Variants in SEMA6D observed in about 807,000 individuals in gnomAD.
SEMA6D encodes the protein semaphorin 6D.
A neutral mutation model predicts 106.6 loss-of-function variants in SEMA6D; 35 were observed. The observed-to-expected ratio is 0.33, with a 90% CI of 0.25 to 0.44. The LOEUF (loss-of-function observed/expected upper bound fraction) is 0.44, where lower values mean the gene tolerates loss of function less well. Among genes scored for constraint, SEMA6D ranks in the 20% least tolerant of loss-of-function variants. The pLI, the probability that SEMA6D is intolerant of heterozygous loss-of-function variation, is 1.00. For missense variants in SEMA6D, 1,185 were observed against 1,345.9 expected (o/e 0.88, Z 1.87); for synonymous variants, 499 against 487.7 (o/e 1.02, Z -0.31).
rs568815398 is a variant in SEMA6D at position 47,759,899 on chromosome 15, A to G, written c.101A>G (p.Asp34Gly). The stretch of plus-strand genomic sequence containing the variant: ...GATGATGAACCCCTTAATACTGTCG[A>G]CTATCACTGTAAGTCGTCTCAAGAA... ...PEDDEPLNTV[D>G]YHYSRQYPVF... is the part of the protein sequence containing the mutation. The change falls in exon 2 of 19, where the codon GAC becomes GGC. Residue 34 changes from aspartate to glycine, a missense_variant. Coordinates refer to ENST00000536845, the MANE Select transcript of SEMA6D (RefSeq NM_001358351.3). 6.2e-7 allele frequency: 1 copy of G among 1,609,094 alleles called. No individual in the cohort carries two copies. The highest frequency in any genetic ancestry group is 1.3e-5 in the African/African-American group (1 of 74,888).
At position 47,649,936 on chromosome 15, in the gene SEMA6D, G is replaced by A. The variant is rs149605433; in HGVS notation, c.-55+49040G>A. Among the ~76,000 whole-genome samples, 993 of 152,264 alleles carry A rather than the reference G, an allele frequency of 6.5e-3. 10 individuals are homozygous for A. The highest frequency in any genetic ancestry group is 0.023 in the African/African-American group (963 of 41,546). ...TGAAGAAGTATGGGTTACACTGAAA[G>A]TATTTCTTGTGAACATAGCTGCTTA... On this transcript the variant is annotated intron_variant, in intron 4 of 19. Coordinates refer to the SEMA6D transcript ENST00000558014.
intron 2 of SEMA6D, among the ~76,000 whole-genome samples, chr15:47,436,771 AT>A (rs1274516098): frequency 0.22 from 15,069 of 69,552 alleles, 904 homozygotes; most frequent in African/African-American, 0.3. Context: ...AAAAAAAAAT[AT>A]ATATATATAT....
intron 1 of SEMA6D, among the ~76,000 whole-genome samples, chr15:47,321,641 G>A (rs944161703): frequency 6.6e-6 from 1 of 152,070 alleles, no homozygotes; most frequent in Non-Finnish European, 1.5e-5. Flanking sequence ...TCTTTATGAG[G>A]AAAAACTTAT....
chr15:47,357,347 AAAAT>A (rs1001275749), intron 1 of SEMA6D, among the ~76,000 whole-genome samples: 1 of 151,814 alleles, frequency 6.6e-6, no homozygotes, highest in Non-Finnish European at 1.5e-5. Context: ...ATAAATAAAT[AAAAT>A]AAATAAATAA....
chr15:47,555,359 T>G (rs1438652746), intron 3 of SEMA6D, among the ~76,000 whole-genome samples: 1 of 152,152 alleles, frequency 6.6e-6, no homozygotes. Flanking sequence ...TAAAGAGAAC[T>G]CATTCATGCC....
rs145230962 is a variant in SEMA6D at position 47,546,417 on chromosome 15, T to C, written c.-86-54448T>C. Among the ~76,000 whole-genome samples, 23 of 152,278 alleles carry C rather than the reference T, an allele frequency of 1.5e-4. No individual in the cohort carries two copies. The East Asian group carries it at 4.4e-3, about 29-fold the overall frequency. Reference sequence around the variant, plus strand: ...AATTGAGTTTCTTTTCACTGCTTTATCTTGTCTGTCTAATTAATAAAATCT... The same window carrying C: ...AATTGAGTTTCTTTTCACTGCTTTACCTTGTCTGTCTAATTAATAAAATCT... On this transcript the variant is annotated intron_variant, in intron 3 of 19. Coordinates refer to the SEMA6D transcript ENST00000558014.
At chr15:47,682,022 T>C (rs561046287) in intron 4 of SEMA6D, among the ~76,000 whole-genome samples, 5 of 152,316 alleles carry the variant, frequency 3.3e-5, no homozygotes, top group African/African-American at 1.2e-4. Context: ...TTTAGCTCCA[T>C]AACATTAATC....
At chr15:47,499,128 G>A (rs554976143) in intron 3 of SEMA6D, among the ~76,000 whole-genome samples, 1 of 152,124 alleles carries the variant, frequency 6.6e-6, no homozygotes, top group South Asian at 2.1e-4. Flanking sequence ...TTATATATTG[G>A]TACTTTCAGA....
At chr15:47,640,598 A>T (rs1596507002) in intron 4 of SEMA6D, among the ~76,000 whole-genome samples, 1 of 152,154 alleles carries the variant, frequency 6.6e-6, no homozygotes, top group East Asian at 1.9e-4. Context: ...GGTGCTTATT[A>T]ATTGATAAGA....
At chr15:47,222,520 G>A (rs1231170699) in intron 1 of SEMA6D, among the ~76,000 whole-genome samples, 1 of 152,080 alleles carries the variant, frequency 6.6e-6, no homozygotes, top group Non-Finnish European at 1.5e-5. Flanking sequence ...TTATTCCCAT[G>A]GTGAGAAAAG....
At chr15:47,352,584 A>G (rs564131335) in intron 1 of SEMA6D, among the ~76,000 whole-genome samples, 1 of 152,330 alleles carries the variant, frequency 6.6e-6, no homozygotes, top group East Asian at 1.9e-4. Flanking sequence ...AGAACTTTCT[A>G]TTCTGGATCA....
chr15:47,498,598 C>T (rs2043746778), intron 3 of SEMA6D, among the ~76,000 whole-genome samples: 1 of 152,014 alleles, frequency 6.6e-6, no homozygotes, highest in African/African-American at 2.4e-5. Context: ...AAGTGCCTGC[C>T]TCTGTTTTCA....
At chr15:47,333,095 C>T (rs1343285307) in intron 1 of SEMA6D, among the ~76,000 whole-genome samples, 1 of 152,052 alleles carries the variant, frequency 6.6e-6, no homozygotes, top group African/African-American at 2.4e-5. Flanking sequence ...ATTGTTTTTA[C>T]TGGGAGGAAT....
intron 1 of SEMA6D, among the ~76,000 whole-genome samples, chr15:47,237,590 T>C (rs957141086): frequency 6.6e-6 from 1 of 152,008 alleles, no homozygotes; most frequent in Admixed American, 6.6e-5. Flanking sequence ...GTAGTCTGGG[T>C]CCTCCTCTAT....
At chr15:47,742,829 A>G (rs963155002) in intron 1 of SEMA6D, among the ~76,000 whole-genome samples, 1 of 152,110 alleles carries the variant, frequency 6.6e-6, no homozygotes, top group Non-Finnish European at 1.5e-5. Context: ...AAAGGACCCC[A>G]CACCCTCTGT....
intron 1 of SEMA6D, among the ~76,000 whole-genome samples, chr15:47,337,251 A>G (rs2037605531): frequency 6.6e-6 from 1 of 152,200 alleles, no homozygotes. Flanking sequence ...GCAGCAGTGC[A>G]GAGATGGGTT....
In SEMA6D at chr15:47,349,974, C is replaced by T. The variant is rs73401098; in HGVS notation, c.-238-62419C>T. On this transcript the variant is annotated intron_variant, in intron 1 of 19. Transcript: ENST00000558014. Reference sequence around the variant, plus strand: ...AATGGGGTCTCTTGTTGGAGAATGACCTTTTGTCAGCTTCAGAACAGTTGA... The same window carrying T: ...AATGGGGTCTCTTGTTGGAGAATGATCTTTTGTCAGCTTCAGAACAGTTGA... Among the ~76,000 whole-genome samples the T allele has an allele frequency of 3.1e-3, 465 of 152,250 alleles. 4 individuals are homozygous for T. Among genetic ancestry groups the T allele is most frequent in the African/African-American group, 0.011 (440 of 41,558 alleles).
intron 2 of SEMA6D, among the ~76,000 whole-genome samples, chr15:47,441,653 A>C (rs1343374346): frequency 6.6e-6 from 1 of 152,150 alleles, no homozygotes; most frequent in Non-Finnish European, 1.5e-5. Flanking sequence ...AGAAGATTCC[A>C]ATATACTGAA....
intron 3 of SEMA6D, among the ~76,000 whole-genome samples, chr15:47,576,240 A>G (rs2076154424): frequency 6.6e-6 from 1 of 152,244 alleles, no homozygotes; most frequent in African/African-American, 2.4e-5. Context: ...TGAAATAAAG[A>G]GAAACCAAAA....
Sources: allele counts gnomAD v4.1 joint callset (sites outside exome capture counted in the v4.1 genomes callset), GRCh38; gene constraint gnomAD v4.1.1; transcripts MANE v1.5; gene names NCBI Gene and HGNC (gene_info 2026-07-23, HGNC 2026-07-21).